The following DMD variants were observed in gnomAD, a reference collection of about 807,000 sequenced individuals.
DMD encodes dystrophin, also known as mutant dystrophin.
DMD carries 63 observed loss-of-function variants against 330.1 expected under a neutral mutation model. The observed-to-expected ratio is 0.19, with a 90% CI of 0.16 to 0.24. The LOEUF is 0.24. DMD is among the 10% of genes least tolerant of loss of function. DMD has a pLI of 1.00. For missense variants in DMD, 3,344 were observed against 2,684.1 expected, an observed-to-expected ratio of 1.25 and a Z score of -5.43; for synonymous variants, 1,223 against 959.8, an observed-to-expected ratio of 1.27 and a Z score of -5.07.
At chrX:32,264,279 G>T (rs1289311535) in intron 43 of DMD, among the ~76,000 whole-genome samples, 1 of 111,779 alleles carries the variant, frequency 8.9e-6, no homozygotes, top group Non-Finnish European at 1.9e-5. Context: ...CACAGTGATT[G>T]TAAGTTTCCT....
chrX:33,329,084 C>A (rs763721537), intron 1 of DMD, among the ~76,000 whole-genome samples: 1 of 111,656 alleles, frequency 9.0e-6, no homozygotes, highest in Non-Finnish European at 1.9e-5. Flanking sequence ...GAATTACTTT[C>A]TTTAATCTAC....
intron 18 of DMD, among the ~76,000 whole-genome samples, chrX:32,503,858 G>A (rs894347617): frequency 9.0e-6 from 1 of 111,668 alleles, no homozygotes; most frequent in Non-Finnish European, 1.9e-5. Context: ...TGCCTGGCCT[G>A]AATAAAGGTT....
At chrX:32,842,412 AC>A (rs1420238844) in intron 4 of DMD, among the ~76,000 whole-genome samples, 1 of 112,163 alleles carries the variant, frequency 8.9e-6, no homozygotes, top group African/African-American at 3.2e-5. Context: ...AAACAAACAA[AC>A]AAAAAAACCC....
intron 2 of DMD, among the ~76,000 whole-genome samples, chrX:32,923,402 A>C (rs1033426802): frequency 9.1e-6 from 1 of 109,961 alleles, no homozygotes; most frequent in Non-Finnish European, 1.9e-5. Context: ...CTCTACTAAA[A>C]ATACAAAAAT....
intron 7 of DMD, among the ~76,000 whole-genome samples, chrX:32,793,902 G>T: frequency 9.0e-6 from 1 of 111,323 alleles, no homozygotes; most frequent in Non-Finnish European, 1.9e-5. Context: ...TATGAAGCCA[G>T]CATTACCCTG....
intron 60 of DMD, among the ~76,000 whole-genome samples, chrX:31,386,408 T>C (rs1473638224): frequency 8.9e-6 from 1 of 111,778 alleles, no homozygotes; most frequent in Non-Finnish European, 1.9e-5. Flanking sequence ...ATGATGTTGA[T>C]GGGGGTTGGT....
At chrX:31,179,638 T>C (rs1475422322) in intron 69 of DMD, among the ~76,000 whole-genome samples, 6 of 111,902 alleles carry the variant, frequency 5.4e-5, no homozygotes, top group Non-Finnish European at 1.1e-4. Context: ...GAGCCTGTCT[T>C]TAATTCTTAG....
At chrX:31,203,101 G>A (rs900290311) in intron 67 of DMD, among the ~76,000 whole-genome samples, 46 of 108,908 alleles carry the variant, frequency 4.2e-4, no homozygotes, top group African/African-American at 1.4e-3. Flanking sequence ...GGCCAACCTG[G>A]TGAAACCCTG....
chrX:33,286,705 A>G (rs1402400738), intron 1 of DMD, among the ~76,000 whole-genome samples: 1 of 112,009 alleles, frequency 8.9e-6, no homozygotes, highest in African/African-American at 3.3e-5. Flanking sequence ...TCATTGAGCT[A>G]ATGAGCTATC....
chrX:32,115,413 C>CGT (rs1039688875), intron 44 of DMD, among the ~76,000 whole-genome samples: 8 of 110,089 alleles, frequency 7.3e-5, no homozygotes, highest in African/African-American at 9.9e-5. Flanking sequence ...TTTTTGCGCG[C>CGT]GTGTGTGTGT....
chrX:31,275,895 G>A (rs992358786), intron 62 of DMD, among the ~76,000 whole-genome samples: 1 of 111,805 alleles, frequency 8.9e-6, no homozygotes, highest in Non-Finnish European at 1.9e-5. Flanking sequence ...ATTCATATTT[G>A]TGTATATACT....
chrX:33,115,023 T>C (rs182385005), intron 1 of DMD, among the ~76,000 whole-genome samples: 26 of 112,373 alleles, frequency 2.3e-4, no homozygotes, highest in African/African-American at 7.1e-4. Context: ...TATTCAGAAA[T>C]TGATCCTTCC....
chrX:31,218,539 T>C (rs1485226658), intron 64 of DMD, among the ~76,000 whole-genome samples: 1 of 111,885 alleles, frequency 8.9e-6, no homozygotes, highest in African/African-American at 3.2e-5. Context: ...ACTTGGCAAC[T>C]ATATAGCTGA....
chrX:32,511,690 A>C (rs1334096180), intron 18 of DMD, among the ~76,000 whole-genome samples: 1 of 110,030 alleles, frequency 9.1e-6, no homozygotes. Context: ...TTTCTCTTAA[A>C]TTTCGTCCTC....
At chrX:32,687,399 T>A (rs1297867317) in intron 9 of DMD, among the ~76,000 whole-genome samples, 1 of 111,965 alleles carries the variant, frequency 8.9e-6, no homozygotes, top group Non-Finnish European at 1.9e-5. Context: ...TACTTCTCCA[T>A]CAAGAGTTGG....
intron 43 of DMD, among the ~76,000 whole-genome samples, chrX:32,257,353 A>G (rs2097303550): frequency 9.0e-6 from 1 of 111,630 alleles, no homozygotes; most frequent in Non-Finnish European, 1.9e-5. Flanking sequence ...GAGCTTGTAT[A>G]GCCAAGACAA....
chrX:32,193,302 A>G (rs1415061188), intron 44 of DMD, among the ~76,000 whole-genome samples: 1 of 112,314 alleles, frequency 8.9e-6, no homozygotes, highest in Non-Finnish European at 1.9e-5. Context: ...ATATAACACA[A>G]CACACAGACA....
intron 7 of DMD, among the ~76,000 whole-genome samples, chrX:32,801,586 G>A (rs967574225): frequency 8.9e-6 from 1 of 111,895 alleles, no homozygotes; most frequent in Non-Finnish European, 1.9e-5. Context: ...CTTTGCCCAT[G>A]CCTATGTCCT....
intron 60 of DMD, among the ~76,000 whole-genome samples, chrX:31,396,934 G>A (rs766153663): frequency 6.3e-5 from 7 of 111,421 alleles, no homozygotes; most frequent in African/African-American, 2.0e-4. Context: ...TATAGTCCCC[G>A]TGAAAGGCAG....
Sources: gnomAD v4.1 joint callset for allele counts (sites outside exome capture counted in the v4.1 genomes callset) on GRCh38, gnomAD v4.1.1 for gene constraint, MANE v1.5 for transcripts, NCBI Gene and HGNC (gene_info 2026-07-23, HGNC 2026-07-21) for gene names.